The following PRKG1 variants were observed in gnomAD, a reference collection of about 807,000 sequenced individuals.
The protein encoded by PRKG1 is cGMP-dependent protein kinase 1.
Under a neutral mutation model 88.1 loss-of-function variants are expected in PRKG1, and 35 were observed. That is an observed-to-expected ratio of 0.40 (90% CI 0.30 to 0.53). The LOEUF is 0.53. PRKG1 is among the 20% of genes least tolerant of loss of function. PRKG1 has a pLI of 0.59. For missense variants in PRKG1, 540 were observed against 839.8 expected (o/e 0.64, Z 4.41); for synonymous variants, 303 against 292.5 (o/e 1.04, Z -0.37).
intron 2 of PRKG1, among the ~76,000 whole-genome samples, chr10:51,287,961 A>G (rs557943701): frequency 6.6e-6 from 1 of 152,312 alleles, no homozygotes; most frequent in Non-Finnish European, 1.5e-5. Context: ...GAAATGCAGT[A>G]TGCCATAAGA....
chr10:52,069,061 T>C (rs72803121), intron 7 of PRKG1, among the ~76,000 whole-genome samples: 25,997 of 151,698 alleles, frequency 0.17, 2,871 homozygotes, highest in South Asian at 0.28. Flanking sequence ...CAGGCCCTGT[T>C]CATGTTAATG....
chr10:51,442,396 T>C (rs375572260), intron 2 of PRKG1, among the ~76,000 whole-genome samples: 7 of 152,144 alleles, frequency 4.6e-5, no homozygotes, highest in African/African-American at 1.7e-4. Context: ...TCAAAATTAG[T>C]ACTATAATAG....
intron 3 of PRKG1, among the ~76,000 whole-genome samples, chr10:51,725,641 G>C (rs902069634): frequency 9.5e-6 from 1 of 105,134 alleles, no homozygotes; most frequent in Non-Finnish European, 2.1e-5. Context: ...TTTTTTTTTT[G>C]TGGGGGTCGG....
chr10:51,120,781 G>A (rs1206237739), intron 1 of PRKG1, among the ~76,000 whole-genome samples: 2 of 152,130 alleles, frequency 1.3e-5, no homozygotes. Flanking sequence ...AAAGCAAAGA[G>A]ACATTGTATT....
At chr10:52,290,891 G>A (rs1476373543) in intron 17 of PRKG1, among the ~76,000 whole-genome samples, 1 of 149,018 alleles carries the variant, frequency 6.7e-6, no homozygotes, top group Non-Finnish European at 1.5e-5. Context: ...CTTTTTCAAA[G>A]AGTCTTTACA....
chr10:51,023,003 C>A (rs1434110788), intron 1 of PRKG1, among the ~76,000 whole-genome samples: 2 of 152,004 alleles, frequency 1.3e-5, no homozygotes, highest in Non-Finnish European at 2.9e-5. Flanking sequence ...GTCTCAGAAA[C>A]AAAATAAAAC....
intron 5 of PRKG1, among the ~76,000 whole-genome samples, chr10:51,953,353 G>C (rs568211532): frequency 5.1e-4 from 76 of 150,184 alleles, no homozygotes; most frequent in Middle Eastern, 3.4e-3. Context: ...GGCTTTTAAA[G>C]TGTGAGAAAC....
At chr10:51,603,385 A>G (rs1286795227) in intron 3 of PRKG1, among the ~76,000 whole-genome samples, 1 of 152,212 alleles carries the variant, frequency 6.6e-6, no homozygotes, top group South Asian at 2.1e-4. Flanking sequence ...TACTCAAGCT[A>G]AGTGAACCCC....
intron 3 of PRKG1, among the ~76,000 whole-genome samples, chr10:51,493,110 G>A (rs1237362097): frequency 6.6e-6 from 1 of 152,070 alleles, no homozygotes; most frequent in Non-Finnish European, 1.5e-5. Flanking sequence ...AGCAGAGCTT[G>A]AGCATTAACT....
intron 7 of PRKG1, among the ~76,000 whole-genome samples, chr10:52,120,042 G>A (rs773717253): frequency 2.7e-5 from 4 of 150,572 alleles, no homozygotes; most frequent in Admixed American, 6.6e-5. Context: ...ACAGAGAGAG[G>A]GAGACAGAGA....
intron 3 of PRKG1, among the ~76,000 whole-genome samples, chr10:51,765,566 C>T (rs1004606284): frequency 3.3e-5 from 5 of 152,154 alleles, no homozygotes; most frequent in African/African-American, 1.2e-4. Flanking sequence ...TAGTGCTTGG[C>T]ACTGAGCCTG....
rs371623564 is a variant in PRKG1, at chr10:51,852,321, T to A, written c.698+47631T>A. Among the ~76,000 whole-genome samples, 54 of 150,876 alleles carry A rather than the reference T, an allele frequency of 3.6e-4. 1 individual carries two copies. The South Asian group carries it at 0.011, about 31-fold the overall frequency. On this transcript the variant is annotated intron_variant, in intron 4 of 17. Transcript: ENST00000373980. ...TTCTCCAACAGGTTGTGTGTGTGTG[T>A]ATATATATACATATACACACACACA...
intron 9 of PRKG1, among the ~76,000 whole-genome samples, chr10:52,216,488 A>G (rs1840114571): frequency 6.6e-6 from 1 of 152,226 alleles, no homozygotes; most frequent in Non-Finnish European, 1.5e-5. Flanking sequence ...TCAGAGTTAG[A>G]TGGAACATCC....
chr10:51,034,224 G>A (rs1564576710), intron 1 of PRKG1, among the ~76,000 whole-genome samples: 2 of 152,102 alleles, frequency 1.3e-5, no homozygotes, highest in Non-Finnish European at 2.9e-5. Context: ...TTTTTCATCT[G>A]AGTTTAAAAA....
intron 2 of PRKG1, among the ~76,000 whole-genome samples, chr10:51,428,644 A>C (rs1447059785): frequency 6.6e-6 from 1 of 152,172 alleles, no homozygotes; most frequent in Non-Finnish European, 1.5e-5. Flanking sequence ...GGCTTCTTTT[A>C]TTATTTCCAA....
intron 5 of PRKG1, among the ~76,000 whole-genome samples, chr10:51,921,623 T>C (rs1424772688): frequency 1.3e-5 from 2 of 152,112 alleles, no homozygotes; most frequent in Non-Finnish European, 2.9e-5. Context: ...TTATCATAAA[T>C]GGGTGTTAAA....
chr10:51,401,047 A>G (rs1256899506), intron 2 of PRKG1, among the ~76,000 whole-genome samples: 1 of 152,250 alleles, frequency 6.6e-6, no homozygotes, highest in Non-Finnish European at 1.5e-5. Context: ...GCTGCCAAAT[A>G]CAAGTATAAC....
At chr10:51,610,605 A>G (rs188638685) in intron 3 of PRKG1, among the ~76,000 whole-genome samples, 1 of 152,288 alleles carries the variant, frequency 6.6e-6, no homozygotes, top group East Asian at 1.9e-4. Flanking sequence ...ACTATTCACA[A>G]TAGCAAAGAC....
chr10:51,042,376 T>C (rs1843435486), intron 1 of PRKG1, among the ~76,000 whole-genome samples: 1 of 152,188 alleles, frequency 6.6e-6, no homozygotes, highest in Admixed American at 6.5e-5. Flanking sequence ...AATGCCCTAA[T>C]TTCTTATTAT....
Sources: allele counts gnomAD v4.1 joint callset (sites outside exome capture counted in the v4.1 genomes callset), GRCh38; gene constraint gnomAD v4.1.1; transcripts MANE v1.5; gene names NCBI Gene and HGNC (gene_info 2026-07-23, HGNC 2026-07-21).